The following XRRA1 variants were observed in gnomAD, a reference collection of about 807,000 sequenced individuals.
XRRA1 encodes the protein X-ray radiation resistance-associated protein 1.
In XRRA1, 69 loss-of-function variants were observed where a neutral mutation model predicts 80.2. The observed-to-expected ratio is 0.86, with a 90% CI of 0.71 to 1.05. The LOEUF is 1.05. XRRA1 is among the 50% of genes least tolerant of loss of function. The probability of loss-of-function intolerance (pLI) is 0.00; values close to 1 mark genes in which losing one functional copy is unlikely to be tolerated. For missense variants in XRRA1, 967 were observed against 976.4 expected, an observed-to-expected ratio of 0.99 and a Z score of 0.13; for synonymous variants, 348 against 389.9, an observed-to-expected ratio of 0.89 and a Z score of 1.27.
chr11:74,924,737 G>A (rs549656520), intron 7 of XRRA1, among the ~76,000 whole-genome samples: 1 of 152,266 alleles, frequency 6.6e-6, no homozygotes, highest in African/African-American at 2.4e-5. Flanking sequence ...GGAGGCTGAG[G>A]CATGAGAATC....
chr11:74,870,817 CAAT>C (rs1168465556), intron 10 of XRRA1, among the ~76,000 whole-genome samples: 1 of 152,174 alleles, frequency 6.6e-6, no homozygotes, highest in Non-Finnish European at 1.5e-5. Context: ...GAAAACTCAA[CAAT>C]GAGGAGGAAA....
intron 10 of XRRA1, among the ~76,000 whole-genome samples, chr11:74,898,344 G>A (rs559748177): frequency 7.2e-5 from 11 of 152,004 alleles, no homozygotes; most frequent in Non-Finnish European, 1.6e-4. Flanking sequence ...AAGACAAGAG[G>A]GAAAGAAGGA....
chr11:74,906,766 ATGT>A (rs1160521406), intron 9 of XRRA1: 2 of 423,850 alleles, frequency 4.7e-6, no homozygotes, highest in African/African-American at 4.0e-5. Flanking sequence ...AAGCTTAACA[ATGT>A]AAATGCCACT....
At chr11:74,897,706 TAAAAAAAAAAAAAAAAG>T (rs2052668199) in intron 10 of XRRA1, among the ~76,000 whole-genome samples, 1 of 84,440 alleles carries the variant, frequency 1.2e-5, no homozygotes, top group South Asian at 4.1e-4. Context: ...TTTAAACTGC[TAAAAAAAAAAAAAAAAG>T]AAAAAAAAAA....
chr11:74,921,656 T>C (rs2138976286), intron 7 of XRRA1, among the ~76,000 whole-genome samples: 1 of 152,294 alleles, frequency 6.6e-6, no homozygotes, highest in South Asian at 2.1e-4. Context: ...CTTCCATGTA[T>C]CCTAATCCAA....
intron 10 of XRRA1, among the ~76,000 whole-genome samples, chr11:74,903,114 C>A (rs1173635053): frequency 6.6e-6 from 1 of 152,094 alleles, no homozygotes; most frequent in Non-Finnish European, 1.5e-5. Context: ...AAGACAAGAA[C>A]CCTTATGTAC....
At chr11:74,909,441 C>A (rs539166314) in intron 8 of XRRA1, among the ~76,000 whole-genome samples, 2 of 152,288 alleles carry the variant, frequency 1.3e-5, no homozygotes, top group South Asian at 4.1e-4. Context: ...AGAAATAAGC[C>A]TTTAAAAAAT....
rs764219544 is a variant in XRRA1 at position 74,906,462 on chromosome 11, A to G, written c.786-6T>C. 2 of 1,613,586 alleles carry G rather than the reference A, an allele frequency of 1.2e-6. No individual in the cohort carries two copies. The highest frequency in any genetic ancestry group is 1.7e-6 in the Non-Finnish European group (2 of 1,179,706). On this transcript the variant is annotated splice_polypyrimidine_tract_variant and splice_region_variant and intron_variant, in intron 9 of 18. Coordinates refer to ENST00000684022, the MANE Select transcript of XRRA1 (RefSeq NM_001378157.1). The stretch of plus-strand genomic sequence containing the variant: ...CCAAGCTTAACTTCTTCAGTCTTCA[A>G]TTAAGGAAAGTGAATATAGAATCAT...
intron 10 of XRRA1, among the ~76,000 whole-genome samples, chr11:74,883,796 C>T (rs573957727): frequency 6.6e-6 from 1 of 152,134 alleles, no homozygotes; most frequent in Non-Finnish European, 1.5e-5. Context: ...TTCCACTCCT[C>T]AGGGGGGAAA....
intron 10 of XRRA1, among the ~76,000 whole-genome samples, chr11:74,898,204 T>C (rs1033724099): frequency 1.3e-5 from 2 of 152,132 alleles, no homozygotes; most frequent in Non-Finnish European, 2.9e-5. Flanking sequence ...CAGTTTAAAA[T>C]AACGGGTTAT....
chr11:74,926,588 A>G (rs1942289565), intron 7 of XRRA1, among the ~76,000 whole-genome samples: 1 of 152,078 alleles, frequency 6.6e-6, no homozygotes, highest in Admixed American at 6.5e-5. Context: ...CTCTCCACAT[A>G]TGTTGTCCTT....
chr11:74,887,644 G>A (rs756169562), intron 10 of XRRA1, among the ~76,000 whole-genome samples: 30 of 152,352 alleles, frequency 2.0e-4, no homozygotes, highest in African/African-American at 2.9e-4. Context: ...CCCAGGTAGC[G>A]CAAGGGGTCA....
At chr11:74,892,683 T>C (rs2051102829) in intron 10 of XRRA1, among the ~76,000 whole-genome samples, 3 of 152,058 alleles carry the variant, frequency 2.0e-5, no homozygotes, top group Admixed American at 2.0e-4. Flanking sequence ...ATCCAGAATC[T>C]ACAATGAACT....
chr11:74,889,423 C>T (rs1345312511), intron 10 of XRRA1, among the ~76,000 whole-genome samples: 1 of 152,212 alleles, frequency 6.6e-6, no homozygotes, highest in Non-Finnish European at 1.5e-5. Context: ...TGGAAAGGAA[C>T]AACCAGTACC....
chr11:74,927,360 G>A, intron 7 of XRRA1, 31 bp downstream of exon 7: 1 of 1,325,766 alleles, frequency 7.5e-7, no homozygotes, highest in South Asian at 1.2e-5. Flanking sequence ...GGAACTTGGT[G>A]GGCACCAAAA....
At chr11:74,946,209 T>C (rs1186339345) in intron 1 of XRRA1, among the ~76,000 whole-genome samples, 1 of 152,138 alleles carries the variant, frequency 6.6e-6, no homozygotes, top group African/African-American at 2.4e-5. Flanking sequence ...TCTCAAAGTG[T>C]TGGGATTACA....
At chr11:74,864,186 A>T (rs1191332059) in intron 10 of XRRA1, 1 of 152,224 alleles carries the variant, frequency 6.6e-6, no homozygotes, top group African/African-American at 2.4e-5. Flanking sequence ...CAAAAGTTTC[A>T]CTCCTGAAAC....
At position 74,921,300 on chromosome 11, in the gene XRRA1, A is replaced by G. The variant is rs1940702561; in HGVS notation, c.570T>C (p.Asp190=). 3.1e-6 allele frequency: 5 copies of G among 1,613,988 alleles called. No homozygotes were observed. In the East Asian group the frequency reaches 8.9e-5, roughly 29 times the overall value. The part of the protein sequence containing the change: ...FNSLTVEAIC[D]LGILPHLRVL... ...CACGGAGGTGTGGCAGAATCCCCAA[A>G]TCACAGATGGCCTCCACAGTCAGGC... Residue 190 remains aspartate (D), a synonymous_variant, in exon 8 of 19, where the codon GAT becomes GAC. Transcript: ENST00000684022.
At chr11:74,846,784 TATC>T (rs1290548595) in intron 15 of XRRA1, among the ~76,000 whole-genome samples, 3 of 152,220 alleles carry the variant, frequency 2.0e-5, no homozygotes, top group East Asian at 3.9e-4. Flanking sequence ...CCTCACCTAA[TATC>T]ATAATTAATG....
Sources: gnomAD v4.1 joint callset for allele counts (sites outside exome capture counted in the v4.1 genomes callset) on GRCh38, gnomAD v4.1.1 for gene constraint, MANE v1.5 for transcripts, NCBI Gene and HGNC (gene_info 2026-07-23, HGNC 2026-07-21) for gene names.